SUPT3H: variants seen among roughly 807,000 people sequenced by gnomAD.
The protein encoded by SUPT3H is transcription initiation protein SPT3 homolog.
Under a neutral mutation model 44.3 loss-of-function variants are expected in SUPT3H, and 44 were observed. That is an observed-to-expected ratio of 0.99 (90% CI 0.78 to 1.28). SUPT3H has a LOEUF of 1.28. Among genes scored for constraint, SUPT3H ranks in the 50% most tolerant of loss-of-function variants. SUPT3H has a pLI of 0.00. For missense variants in SUPT3H, 380 were observed against 387.1 expected (o/e 0.98, Z 0.15); for synonymous variants, 124 against 125.6 (o/e 0.99, Z 0.09).
At chr6:45,269,381 C>A (rs1049565768) in intron 2 of SUPT3H, among the ~76,000 whole-genome samples, 9 of 152,138 alleles carry the variant, frequency 5.9e-5, no homozygotes, top group Non-Finnish European at 8.8e-5. Flanking sequence ...TTTTAGAAAA[C>A]GCTAAAGAAA....
intron 2 of SUPT3H, among the ~76,000 whole-genome samples, chr6:45,141,070 T>C (rs1350090761): frequency 6.6e-6 from 1 of 152,078 alleles, no homozygotes; most frequent in African/African-American, 2.4e-5. Flanking sequence ...CCGGGTACAG[T>C]GGCTCATGCC....
chr6:45,128,497 C>G (rs1290656501), intron 2 of SUPT3H, among the ~76,000 whole-genome samples: 1 of 66,890 alleles, frequency 1.5e-5, no homozygotes, highest in African/African-American at 6.7e-5. Context: ...GAGCAAGACT[C>G]TGTCTCAAAA....
chr6:45,160,508 C>A (rs1429733901), intron 2 of SUPT3H, among the ~76,000 whole-genome samples: 3 of 151,816 alleles, frequency 2.0e-5, no homozygotes, highest in African/African-American at 7.3e-5. Flanking sequence ...GCAAGCATAG[C>A]AAAACCTGAA....
At chr6:44,898,033 T>C (rs1011462966) in intron 10 of SUPT3H, among the ~76,000 whole-genome samples, 2 of 152,242 alleles carry the variant, frequency 1.3e-5, no homozygotes, top group Admixed American at 6.5e-5. Context: ...AAATTATTAT[T>C]ACATAACATA....
At chr6:45,373,941 C>G (rs1796437261) in intron 1 of SUPT3H, among the ~76,000 whole-genome samples, 1 of 152,168 alleles carries the variant, frequency 6.6e-6, no homozygotes, top group Admixed American at 6.5e-5. Flanking sequence ...AAAATTTACA[C>G]AACAATTTTT....
chr6:45,255,597 A>C (rs983409407), intron 2 of SUPT3H, among the ~76,000 whole-genome samples: 3 of 151,522 alleles, frequency 2.0e-5, no homozygotes, highest in Non-Finnish European at 4.4e-5. Flanking sequence ...ATGTTTTTTT[A>C]ATTTTTGTAG....
At chr6:45,334,978 A>G (rs1198401601) in intron 2 of SUPT3H, among the ~76,000 whole-genome samples, 3 of 151,334 alleles carry the variant, frequency 2.0e-5, no homozygotes, top group Non-Finnish European at 4.5e-5. Context: ...AAAAACTGAT[A>G]TCAGTTAAAC....
chr6:45,062,872 C>A (rs920950445), intron 3 of SUPT3H, among the ~76,000 whole-genome samples: 1 of 151,984 alleles, frequency 6.6e-6, no homozygotes, highest in Non-Finnish European at 1.5e-5. Context: ...AAGGCGGCAG[C>A]GAGGCTGGGG....
At chr6:45,184,753 G>T (rs1813872991) in intron 2 of SUPT3H, among the ~76,000 whole-genome samples, 1 of 133,140 alleles carries the variant, frequency 7.5e-6, no homozygotes, top group African/African-American at 2.9e-5. Flanking sequence ...AGACTCCGAT[G>T]TAGAACCACC....
chr6:45,163,246 A>G lies in SUPT3H; in HGVS notation c.102-57240T>C, dbSNP rs16873174. On this transcript the variant is annotated intron_variant, in intron 2 of 10. Coordinates refer to ENST00000371459, the MANE Select transcript of SUPT3H (RefSeq NM_003599.4). ...ATAATGTCATGAAAGACAAAGCTCA[A>G]GTTGGTACAATTCATTTCACTGCTA... Among the ~76,000 whole-genome samples, 281 of 152,280 alleles carry G rather than the reference A, an allele frequency of 1.8e-3. 9 individuals are homozygous for G. The East Asian group carries it at 0.045, about 25-fold the overall frequency.
chr6:44,961,674 C>G lies in SUPT3H; in HGVS notation c.580+79G>C. On this transcript the variant is annotated intron_variant, in intron 7 of 10. Transcript: ENST00000371459. ...ATTAAATCCACCAATTTCTAAGAAA[C>G]AGATCCTGTCATACTTTAGTACATC... 6 of 1,150,700 alleles carry G rather than the reference C, an allele frequency of 5.2e-6. No homozygotes were observed. The South Asian group carries it at 8.1e-5, about 16-fold the overall frequency. 71.3% of individuals were successfully genotyped at this position (1,150,700 alleles called of 1,614,324 possible).
chr6:45,309,245 A>G (rs1396151624), intron 2 of SUPT3H, among the ~76,000 whole-genome samples: 1 of 151,914 alleles, frequency 6.6e-6, no homozygotes, highest in East Asian at 1.9e-4. Flanking sequence ...AATCAGAATA[A>G]TCATTTTAAG....
At chr6:45,370,575 GAT>G (rs768452346) in intron 1 of SUPT3H, among the ~76,000 whole-genome samples, 10 of 152,156 alleles carry the variant, frequency 6.6e-5, no homozygotes, top group Non-Finnish European at 1.2e-4. Context: ...TTTGTATAAG[GAT>G]ATAAGGATCA....
At chr6:45,094,051 A>G (rs1164919320) in intron 3 of SUPT3H, among the ~76,000 whole-genome samples, 2 of 152,156 alleles carry the variant, frequency 1.3e-5, no homozygotes, top group East Asian at 3.9e-4. Flanking sequence ...GATGGCGCAA[A>G]TCTCTGCCTA....
At chr6:44,916,069 C>G (rs757560926) in intron 10 of SUPT3H, among the ~76,000 whole-genome samples, 33 of 152,256 alleles carry the variant, frequency 2.2e-4, no homozygotes, top group Admixed American at 5.9e-4. Context: ...ATTTTCTCAT[C>G]TAGATGTTTG....
chr6:45,131,108 A>G (rs866162513), intron 2 of SUPT3H, among the ~76,000 whole-genome samples: 3 of 152,228 alleles, frequency 2.0e-5, no homozygotes, highest in Middle Eastern at 3.4e-3. Context: ...CCTCTCCATG[A>G]TCCTGATTAG....
intron 3 of SUPT3H, among the ~76,000 whole-genome samples, chr6:45,039,079 A>G (rs1050865923): frequency 3.9e-4 from 59 of 152,192 alleles, no homozygotes; most frequent in Admixed American, 5.9e-4. Flanking sequence ...TGCAAGGAAA[A>G]AGGATACCAT....
chr6:45,250,587 A>G (rs1004751156), intron 2 of SUPT3H, among the ~76,000 whole-genome samples: 4 of 152,088 alleles, frequency 2.6e-5, no homozygotes, highest in Non-Finnish European at 4.4e-5. Flanking sequence ...GCAATTCCGG[A>G]AAGCTGAAAG....
At chr6:45,236,741 C>A (rs1018381526) in intron 2 of SUPT3H, among the ~76,000 whole-genome samples, 3 of 151,046 alleles carry the variant, frequency 2.0e-5, no homozygotes, top group African/African-American at 7.3e-5. Context: ...TTAGAATACA[C>A]CCCCCGAGAT....
Sources: gnomAD v4.1 joint callset for allele counts (sites outside exome capture counted in the v4.1 genomes callset) on GRCh38, gnomAD v4.1.1 for gene constraint, MANE v1.5 for transcripts, NCBI Gene and HGNC (gene_info 2026-07-23, HGNC 2026-07-21) for gene names.